Variants in CNTLN observed in about 807,000 individuals in gnomAD.
The protein encoded by CNTLN is centlein, centrosomal protein.
CNTLN carries 212 observed loss-of-function variants against 180.0 expected under a neutral mutation model. The observed-to-expected ratio is 1.18, with a 90% CI of 1.05 to 1.32. The LOEUF is 1.32. Among genes scored for constraint, CNTLN ranks in the 40% most tolerant of loss-of-function variants. The probability of loss-of-function intolerance (pLI) is 0.00; values close to 1 mark genes in which losing one functional copy is unlikely to be tolerated. For missense variants in CNTLN, 2,095 were observed against 1,610.9 expected (o/e 1.30, Z -5.14); for synonymous variants, 722 against 563.1 (o/e 1.28, Z -3.99).
At chr9:17,183,547 T>G (rs1039686889) in intron 2 of CNTLN, among the ~76,000 whole-genome samples, 9 of 151,960 alleles carry the variant, frequency 5.9e-5, no homozygotes, top group African/African-American at 2.2e-4. Context: ...CAATAAAAAC[T>G]GTAGTTATGG....
chr9:17,365,105 C>A (rs150603075), intron 12 of CNTLN, among the ~76,000 whole-genome samples: 2 of 152,298 alleles, frequency 1.3e-5, no homozygotes, highest in African/African-American at 2.4e-5. Context: ...TGTGTCCCTG[C>A]CCAAATTTCA....
chr9:17,431,068 A>G (rs1260023944), intron 18 of CNTLN, among the ~76,000 whole-genome samples: 1 of 152,078 alleles, frequency 6.6e-6, no homozygotes, highest in Non-Finnish European at 1.5e-5. Context: ...TGTATACCCC[A>G]GTAATGGGAT....
intron 2 of CNTLN, among the ~76,000 whole-genome samples, chr9:17,220,664 G>A (rs1824070000): frequency 6.6e-6 from 1 of 152,014 alleles, no homozygotes; most frequent in South Asian, 2.1e-4. Flanking sequence ...TTTAGCTCCC[G>A]CTTATAGGCG....
intron 2 of CNTLN, among the ~76,000 whole-genome samples, chr9:17,164,180 C>T (rs917993482): frequency 1.5e-4 from 22 of 151,356 alleles, no homozygotes; most frequent in Admixed American, 2.6e-4. Context: ...GGCATGGTGT[C>T]GCGTGCCTGT....
chr9:17,277,069 T>G lies in CNTLN; in HGVS notation c.983+3203T>G, dbSNP rs1214118215. ...CAAAACTTTTACCTGATGGTAATGATGGAGCTACTGTTTCTGTATGGATTT... is the reference window on the plus strand; with the variant it reads ...CAAAACTTTTACCTGATGGTAATGAGGGAGCTACTGTTTCTGTATGGATTT... On this transcript the variant is annotated intron_variant, in intron 6 of 25. Coordinates refer to ENST00000380647, the MANE Select transcript of CNTLN (RefSeq NM_017738.4). Among the ~76,000 whole-genome samples the G allele has an allele frequency of 5.3e-5, 4 of 75,616 alleles. 1 individual carries two copies. The highest frequency in any genetic ancestry group is 2.2e-4 in the African/African-American group (4 of 18,418). 49.6% of individuals were successfully genotyped at this position (75,616 alleles called of 152,430 possible).
chr9:17,528,633 T>A, the CNTLN span, among the ~76,000 whole-genome samples: 1 of 152,234 alleles, frequency 6.6e-6, no homozygotes, highest in Non-Finnish European at 1.5e-5. Flanking sequence ...TTAATAAAAA[T>A]ACATCAGCAT....
chr9:17,527,578 G>C, the CNTLN span, among the ~76,000 whole-genome samples: 1 of 152,156 alleles, frequency 6.6e-6, no homozygotes, highest in Admixed American at 6.5e-5. Context: ...GGTACTTACA[G>C]ATAAGCAAGG....
chr9:17,372,477 A>G (rs1320527296), intron 13 of CNTLN, among the ~76,000 whole-genome samples: 2 of 152,158 alleles, frequency 1.3e-5, no homozygotes, highest in Admixed American at 6.5e-5. Flanking sequence ...CACTGATGCC[A>G]TAATGCAGAG....
At chr9:17,455,136 A>G (rs1450822807) in intron 18 of CNTLN, among the ~76,000 whole-genome samples, 1 of 152,194 alleles carries the variant, frequency 6.6e-6, no homozygotes, top group Non-Finnish European at 1.5e-5. Context: ...TTTTAAACCG[A>G]CAGAAGTTAG....
At chr9:17,414,774 A>G (rs749038190) in intron 16 of CNTLN, among the ~76,000 whole-genome samples, 2 of 152,194 alleles carry the variant, frequency 1.3e-5, no homozygotes, top group East Asian at 1.9e-4. Flanking sequence ...GATTGCATAT[A>G]TCTATGTTTC....
chr9:17,241,954 T>C (rs1282947739), intron 5 of CNTLN, among the ~76,000 whole-genome samples: 3 of 152,188 alleles, frequency 2.0e-5, no homozygotes, highest in Non-Finnish European at 2.9e-5. Flanking sequence ...TTTGGTGGAC[T>C]CTTCAGGTTT....
At chr9:17,155,305 G>A (rs1359164848) in intron 2 of CNTLN, among the ~76,000 whole-genome samples, 1 of 152,210 alleles carries the variant, frequency 6.6e-6, no homozygotes, top group African/African-American at 2.4e-5. Context: ...GTATACATGG[G>A]AGTCAGGGAC....
chr9:17,292,634 T>G (rs1829490338), intron 6 of CNTLN, among the ~76,000 whole-genome samples: 1 of 152,200 alleles, frequency 6.6e-6, no homozygotes, highest in Non-Finnish European at 1.5e-5. Flanking sequence ...TCTCAGGTTG[T>G]GTTTTTCAAC....
chr9:17,200,966 A>T (rs1248077958), intron 2 of CNTLN, among the ~76,000 whole-genome samples: 1 of 152,062 alleles, frequency 6.6e-6, no homozygotes, highest in Non-Finnish European at 1.5e-5. Context: ...TTGGCTATGG[A>T]TTTGTCATAA....
At chr9:17,222,379 C>T (rs1378138230) in intron 2 of CNTLN, among the ~76,000 whole-genome samples, 1 of 152,006 alleles carries the variant, frequency 6.6e-6, no homozygotes, top group African/African-American at 2.4e-5. Context: ...TTTAGTTGTA[C>T]TCCCATAATT....
intron 5 of CNTLN, among the ~76,000 whole-genome samples, chr9:17,269,283 A>C (rs149999542): frequency 6.6e-6 from 1 of 151,188 alleles, no homozygotes; most frequent in African/African-American, 2.4e-5. Flanking sequence ...AATCTTTCTT[A>C]TTTCCTTTCT....
chr9:17,260,359 G>T (rs919397180), intron 5 of CNTLN, among the ~76,000 whole-genome samples: 1 of 151,182 alleles, frequency 6.6e-6, no homozygotes, highest in African/African-American at 2.5e-5. Flanking sequence ...TATAATTTCT[G>T]TTCTTTTACA....
In CNTLN at chr9:17,235,789, T is replaced by C; in HGVS notation, c.666T>C (p.Ile222=). 1 of 1,604,338 alleles carries C rather than the reference T, an allele frequency of 6.2e-7. No homozygotes were observed. The highest frequency in any genetic ancestry group is 1.1e-5 in the South Asian group (1 of 88,762). ...EKKFKDKSQE[I]KDTKECVQNK... ...AATTTAAAGATAAAAGTCAAGAAATTAAGGTGTGTTGACTTGTACATAGTT... is the reference window on the plus strand; with the variant it reads ...AATTTAAAGATAAAAGTCAAGAAATCAAGGTGTGTTGACTTGTACATAGTT... The change falls in exon 4 of 26, where the codon ATT becomes ATC. Residue 222 remains isoleucine (I), a synonymous_variant. Transcript: ENST00000380647.
At chr9:17,289,974 G>C (rs1185864733) in intron 6 of CNTLN, among the ~76,000 whole-genome samples, 1 of 151,690 alleles carries the variant, frequency 6.6e-6, no homozygotes, top group South Asian at 2.1e-4. Flanking sequence ...GTAGCTCAGA[G>C]TAATTTGATC....
Sources: allele counts gnomAD v4.1 joint callset (sites outside exome capture counted in the v4.1 genomes callset), GRCh38; gene constraint gnomAD v4.1.1; transcripts MANE v1.5; gene names NCBI Gene and HGNC (gene_info 2026-07-23, HGNC 2026-07-21).